FRMD4B: variants seen among roughly 807,000 people sequenced by gnomAD.
FRMD4B encodes the protein FERM domain containing 4B.
In FRMD4B, 74 loss-of-function variants were observed where a neutral mutation model predicts 141.5. The observed-to-expected ratio is 0.52, with a 90% CI of 0.43 to 0.63. The LOEUF is 0.63. FRMD4B is among the 30% of genes least tolerant of loss of function. The pLI is 0.00. For synonymous variants in FRMD4B, 506 were observed against 467.9 expected (o/e 1.08, Z -1.05); for missense variants, 1,366 against 1,253.4 (o/e 1.09, Z -1.36).
At chr3:69,210,118 C>A (rs1047076242) in intron 11 of FRMD4B, among the ~76,000 whole-genome samples, 1 of 152,218 alleles carries the variant, frequency 6.6e-6, no homozygotes, top group African/African-American at 2.4e-5. Context: ...CCCACCTTCA[C>A]ATGCCCTGTG....
chr3:69,215,349 G>A (rs1413259269), intron 11 of FRMD4B, among the ~76,000 whole-genome samples: 2 of 118,216 alleles, frequency 1.7e-5, no homozygotes, highest in African/African-American at 3.1e-5. Flanking sequence ...CTGGAGTGCG[G>A]TGGCACAATC....
Position 69,214,706 on chromosome 3 carries a change from C to G in FRMD4B, c.876+1557G>C, listed in dbSNP as rs12636686. On this transcript the variant is annotated intron_variant, in intron 11 of 22. Coordinates refer to ENST00000398540, the MANE Select transcript of FRMD4B (RefSeq NM_015123.3). ...AGACTTTGTCTCTGCAAAAAACTTT[C>G]TAAAAATGATCTGGGCATGGTAGCA... Among the ~76,000 whole-genome samples the G allele has an allele frequency of 2.0e-5, 3 of 151,756 alleles. No homozygotes were observed. The East Asian group carries it at 5.9e-4, about 30-fold the overall frequency.
chr3:69,257,184 A>G (rs1327630208), intron 5 of FRMD4B, among the ~76,000 whole-genome samples: 2 of 152,232 alleles, frequency 1.3e-5, no homozygotes, highest in East Asian at 1.9e-4. Flanking sequence ...TCAGAAACCT[A>G]TATAAAGCAT....
chr3:69,488,501 A>G (rs1264849857), intron 1 of FRMD4B, among the ~76,000 whole-genome samples: 1 of 152,222 alleles, frequency 6.6e-6, no homozygotes, highest in Non-Finnish European at 1.5e-5. Flanking sequence ...AGTCTTTTCA[A>G]CAAATCATGC....
intron 5 of FRMD4B, among the ~76,000 whole-genome samples, chr3:69,273,945 A>G (rs929424759): frequency 2.0e-5 from 3 of 152,168 alleles, no homozygotes; most frequent in Non-Finnish European, 4.4e-5. Context: ...GAATTTCTTA[A>G]GGGGCAGAGA....
intron 1 of FRMD4B, among the ~76,000 whole-genome samples, chr3:69,375,759 T>C (rs1229241082): frequency 6.6e-6 from 1 of 152,194 alleles, no homozygotes; most frequent in South Asian, 2.1e-4. Flanking sequence ...TTACCTATTA[T>C]AATAAGTACA....
chr3:69,401,545 C>T (rs1230285810), intron 2 of FRMD4B, among the ~76,000 whole-genome samples: 1 of 151,970 alleles, frequency 6.6e-6, no homozygotes, highest in African/African-American at 2.4e-5. Context: ...AAGAGTGTAT[C>T]TTTCTTCCTC....
In FRMD4B at chr3:69,193,675, G is replaced by T. The variant is rs752402100; in HGVS notation, c.1687C>A (p.Pro563Thr). 1 of 1,611,490 alleles carries T rather than the reference G, an allele frequency of 6.2e-7. No homozygotes were observed. The highest frequency in any genetic ancestry group is 8.5e-7 in the Non-Finnish European group (1 of 1,178,506). ...GGTAACACTGTTGCTTTCTGGCTGG[G>T]TTTCTTTCCACACCTAATTCGGTAT... ...NEYRIRCGKK[P>T]SQKATVLPED... is the part of the protein sequence containing the mutation. Residue 563 changes from proline to threonine, a missense_variant, in exon 17 of 23, where the codon CCC (proline) becomes ACC (threonine). Physicochemically the swap from Pro to Thr is conservative, Grantham distance 38. Coordinates refer to ENST00000398540, the MANE Select transcript of FRMD4B (RefSeq NM_015123.3).
intron 1 of FRMD4B, among the ~76,000 whole-genome samples, chr3:69,454,560 A>G (rs1252902902): frequency 1.3e-5 from 2 of 152,192 alleles, no homozygotes; most frequent in Non-Finnish European, 2.9e-5. Flanking sequence ...GGCCCCGGGC[A>G]GTGAGGGGCT....
intron 1 of FRMD4B, among the ~76,000 whole-genome samples, chr3:69,483,433 C>T (rs1706163196): frequency 6.6e-6 from 1 of 152,184 alleles, no homozygotes; most frequent in African/African-American, 2.4e-5. Flanking sequence ...ATAGAGGTTT[C>T]CTCTGAAAAT....
At chr3:69,376,739 T>A (rs1046323709) in intron 1 of FRMD4B, 12 of 152,316 alleles carry the variant, frequency 7.9e-5, no homozygotes, top group Admixed American at 2.6e-4. Flanking sequence ...AATTTTAATT[T>A]TTTTCATGAG....
chr3:69,478,812 G>A (rs1229308393), intron 1 of FRMD4B, among the ~76,000 whole-genome samples: 1 of 151,970 alleles, frequency 6.6e-6, no homozygotes, highest in Non-Finnish European at 1.5e-5. Flanking sequence ...GGGTGTTAAA[G>A]TCTCCCATTA....
chr3:69,451,367 G>A lies in FRMD4B; in HGVS notation c.-128-18606C>T, dbSNP rs1705496230. On this transcript the variant is annotated intron_variant, in intron 1 of 5. Coordinates refer to the FRMD4B transcript ENST00000459638. ...GATCAGTGACTGATGGATGATAGCT[G>A]TAGGAAGTGCTGTGATAAGGTTTAT... Among the ~76,000 whole-genome samples, 12 of 152,312 alleles carry A rather than the reference G, an allele frequency of 7.9e-5. No individual in the cohort carries two copies. In the South Asian group the frequency reaches 2.1e-3, roughly 26 times the overall value.
chr3:69,196,048 T>C (rs2092900515), intron 14 of FRMD4B, among the ~76,000 whole-genome samples: 1 of 152,234 alleles, frequency 6.6e-6, no homozygotes, highest in African/African-American at 2.4e-5. Context: ...TCATATGACA[T>C]GCACAACCTA....
intron 17 of FRMD4B, among the ~76,000 whole-genome samples, chr3:69,191,955 A>G (rs2092842689): frequency 6.6e-6 from 1 of 152,134 alleles, no homozygotes; most frequent in Non-Finnish European, 1.5e-5. Context: ...TGTAAATCAT[A>G]TGCTCTACAC....
chr3:69,498,327 C>G (rs992912060), intron 1 of FRMD4B, among the ~76,000 whole-genome samples: 27 of 152,062 alleles, frequency 1.8e-4, no homozygotes, highest in African/African-American at 6.3e-4. Context: ...TTGGAAAAGG[C>G]AATAAGGGGA....
rs1215606426 is a variant in FRMD4B, at chr3:69,240,644, A to C, written c.581+8582T>G. ...TATTTATGGTCAACTTGAAGCCCCA[A>C]CTCTTTAATCCTTCTTCCTGTATGT... On this transcript the variant is annotated intron_variant, in intron 7 of 22. Transcript: ENST00000398540. Among the ~76,000 whole-genome samples the C allele has an allele frequency of 4.6e-5, 7 of 152,042 alleles. No homozygotes were observed. In the East Asian group the frequency reaches 1.3e-3, roughly 29 times the overall value.
At chr3:69,183,707 C>A (rs985837407) in intron 19 of FRMD4B, among the ~76,000 whole-genome samples, 1 of 151,992 alleles carries the variant, frequency 6.6e-6, no homozygotes, top group African/African-American at 2.4e-5. Context: ...TGGTCTCGAT[C>A]TCCTGACCTT....
At chr3:69,252,394 G>C (rs556008130) in intron 5 of FRMD4B, among the ~76,000 whole-genome samples, 3 of 152,146 alleles carry the variant, frequency 2.0e-5, no homozygotes, top group African/African-American at 7.2e-5. Flanking sequence ...GGAGGGTGAC[G>C]GTGCGGTGAA....
Sources: allele counts gnomAD v4.1 joint callset (sites outside exome capture counted in the v4.1 genomes callset), GRCh38; gene constraint gnomAD v4.1.1; transcripts MANE v1.5; gene names NCBI Gene and HGNC (gene_info 2026-07-23, HGNC 2026-07-21).